Variants in PRKG2 observed in about 807,000 individuals in gnomAD.
PRKG2 encodes the protein protein kinase cGMP-dependent 2, also known as cGMP-dependent protein kinase 2.
A neutral mutation model predicts 97.2 loss-of-function variants in PRKG2; 33 were observed. The observed-to-expected ratio is 0.34, with a 90% CI of 0.26 to 0.45. The LOEUF (loss-of-function observed/expected upper bound fraction) is 0.45, where lower values mean the gene tolerates loss of function less well. Ranked by LOEUF, PRKG2 falls within the 20% of genes least tolerant of loss-of-function variation. The probability of loss-of-function intolerance (pLI) is 1.00; values close to 1 mark genes in which losing one functional copy is unlikely to be tolerated. For synonymous variants in PRKG2, 330 were observed against 321.8 expected (o/e 1.03, Z -0.27); for missense variants, 638 against 900.0 (o/e 0.71, Z 3.73).
chr4:81,111,507 A>C (rs1743981857), intron 14 of PRKG2, among the ~76,000 whole-genome samples: 3 of 151,780 alleles, frequency 2.0e-5, no homozygotes, highest in Admixed American at 2.0e-4. Flanking sequence ...TTCATAGGGC[A>C]AAAATCATAT....
Position 81,156,501 on chromosome 4 carries a change from G to A in PRKG2, c.913-2780C>T, listed in dbSNP as rs186714725. On this transcript the variant is annotated intron_variant, in intron 6 of 18. Coordinates refer to ENST00000264399, the MANE Select transcript of PRKG2 (RefSeq NM_006259.3). ...TAATGGGAGACTTTAACACCCCACC[G>A]TCAACATTAGACAGATCAACGAGAC... 3.4e-4 allele frequency among the ~76,000 whole-genome samples: 52 copies of A among 152,170 alleles called. No homozygotes were observed. The East Asian group carries it at 7.5e-3, about 22-fold the overall frequency.
At chr4:81,133,194 G>A (rs1290416099) in intron 14 of PRKG2, among the ~76,000 whole-genome samples, 2 of 152,112 alleles carry the variant, frequency 1.3e-5, no homozygotes, top group Admixed American at 1.3e-4. Context: ...AGACCAACCT[G>A]TGGCCAAGAA....
chr4:81,205,492 G>A (rs1753598156), intron 1 of PRKG2, among the ~76,000 whole-genome samples: 1 of 152,190 alleles, frequency 6.6e-6, no homozygotes, highest in Non-Finnish European at 1.5e-5. Flanking sequence ...AGCTCCCCAT[G>A]CGGCAACAGT....
chr4:81,216,945 T>C (rs540301285), upstream of PRKG2, among the ~76,000 whole-genome samples: 2 of 140,026 alleles, frequency 1.4e-5, no homozygotes, highest in African/African-American at 5.4e-5. Flanking sequence ...TACCCCTGAA[T>C]CAAAAAAAAA....
intron 6 of PRKG2, among the ~76,000 whole-genome samples, chr4:81,155,672 C>T (rs1231461141): frequency 6.6e-6 from 1 of 151,458 alleles, no homozygotes; most frequent in African/African-American, 2.4e-5. Flanking sequence ...TTAAGGGCAG[C>T]CAGAGAGAAA....
rs532341348 is a variant in PRKG2, at chr4:81,180,707, T to C, written c.462-5748A>G. On this transcript the variant is annotated intron_variant, in intron 2 of 18. Transcript: ENST00000264399. ...GATTTTAACACATCTCTCTAATTAA[T>C]AGAATAAGCCAACAAAAATTAGTAA... is the stretch of plus-strand genomic sequence containing the variant. 8.5e-5 allele frequency among the ~76,000 whole-genome samples: 13 copies of C among 152,316 alleles called. 1 individual carries two copies. The South Asian group carries it at 2.7e-3, about 32-fold the overall frequency.
At position 81,181,048 on chromosome 4, in the gene PRKG2, A is replaced by G. The variant is rs139516876; in HGVS notation, c.462-6089T>C. Among the ~76,000 whole-genome samples, 42 of 140,806 alleles carry G rather than the reference A, an allele frequency of 3.0e-4. No homozygotes were observed. In the East Asian group the frequency reaches 8.1e-3, roughly 27 times the overall value. The allele number at this position is 140,806 out of a possible 152,430, so 92.4% of individuals were successfully genotyped here. ...CCCTTCCTGTGTCCATGTGTTCTCA[A>G]TGTTCAAGTCCCACCTATGAGTGAG... On this transcript the variant is annotated intron_variant, in intron 2 of 18. Coordinates refer to ENST00000264399, the MANE Select transcript of PRKG2 (RefSeq NM_006259.3).
chr4:81,166,449 C>T (rs937843561), intron 6 of PRKG2, among the ~76,000 whole-genome samples: 9 of 152,016 alleles, frequency 5.9e-5, no homozygotes, highest in South Asian at 4.1e-4. Flanking sequence ...AGTTAAAGAA[C>T]GTATTTGCTT....
At chr4:81,104,850 C>T (rs990541663) in intron 16 of PRKG2, among the ~76,000 whole-genome samples, 1 of 151,912 alleles carries the variant, frequency 6.6e-6, no homozygotes, top group Non-Finnish European at 1.5e-5. Context: ...AATTGTAATG[C>T]TTTTTTAAAA....
chr4:81,123,623 C>T (rs1745279408), intron 14 of PRKG2, among the ~76,000 whole-genome samples: 2 of 152,176 alleles, frequency 1.3e-5, no homozygotes, highest in Non-Finnish European at 2.9e-5. Flanking sequence ...ACAGGATGGT[C>T]TCGATCTCCT....
chr4:81,152,820 C>T (rs1748549038), intron 7 of PRKG2, among the ~76,000 whole-genome samples: 1 of 152,040 alleles, frequency 6.6e-6, no homozygotes, highest in African/African-American at 2.4e-5. Flanking sequence ...GAAGTAGTTC[C>T]TAGTGTTGAA....
intron 17 of PRKG2, among the ~76,000 whole-genome samples, chr4:81,100,421 C>A (rs1043827105): frequency 2.0e-5 from 3 of 152,152 alleles, no homozygotes; most frequent in Admixed American, 6.5e-5. Flanking sequence ...ACATCTACAA[C>A]CATCTGATCT....
At chr4:81,166,287 A>G (rs1749975919) in intron 6 of PRKG2, among the ~76,000 whole-genome samples, 1 of 152,060 alleles carries the variant, frequency 6.6e-6, no homozygotes. Context: ...ATCTGTCAAC[A>G]ATCAGCCTTG....
intron 14 of PRKG2, among the ~76,000 whole-genome samples, chr4:81,113,596 C>T (rs1338761215): frequency 3.3e-5 from 5 of 152,086 alleles, no homozygotes; most frequent in Non-Finnish European, 5.9e-5. Context: ...TGCATTGTGG[C>T]TTGCTGGAGC....
In PRKG2 at chr4:81,140,643, A is replaced by T; in HGVS notation, c.1434T>A (p.Ala478=). The T allele has an allele frequency of 6.2e-7, 1 of 1,609,044 alleles. No individual in the cohort carries two copies. Among genetic ancestry groups the T allele is most frequent in the South Asian group, 1.1e-5 (1 of 90,564 alleles). ...ELVKVKNENV[A]FAMKCIRKKH... is the part of the protein sequence containing the mutation. ...TCTTCCTTATACACTTCATAGCAAA[A>T]GCAACATTCTCATTTTTTACTTTAA... Residue 478 remains alanine, a synonymous_variant, in exon 12 of 19, where the codon GCT becomes GCA. Transcript: ENST00000264399.
chr4:81,098,406 T>C (rs2109954340), intron 17 of PRKG2, among the ~76,000 whole-genome samples: 2 of 152,262 alleles, frequency 1.3e-5, no homozygotes, highest in East Asian at 1.9e-4. Flanking sequence ...TTCACTGGAG[T>C]AACACCTTTA....
intron 1 of PRKG2, among the ~76,000 whole-genome samples, chr4:81,208,404 C>T (rs1753793415): frequency 6.6e-6 from 1 of 152,114 alleles, no homozygotes. Flanking sequence ...AACTGGATGT[C>T]TTCCACAAGA....
intron 17 of PRKG2, among the ~76,000 whole-genome samples, chr4:81,101,190 A>G (rs1742719398): frequency 1.3e-5 from 2 of 151,952 alleles, no homozygotes; most frequent in Non-Finnish European, 2.9e-5. Context: ...TAGAAATACC[A>G]TTTGACCCAG....
In PRKG2 at chr4:81,120,065, A is replaced by G. The variant is rs546517195; in HGVS notation, c.1777-9454T>C. On this transcript the variant is annotated intron_variant, in intron 14 of 18. Coordinates refer to ENST00000264399, the MANE Select transcript of PRKG2 (RefSeq NM_006259.3). The stretch of plus-strand genomic sequence containing the variant: ...TTTGAGTCCTTGTGGATGAACTGCA[A>G]CCTAACCTAGTAGGTAGACAAGATT... 3.3e-5 allele frequency among the ~76,000 whole-genome samples: 5 copies of G among 152,306 alleles called. No individual in the cohort carries two copies. In the South Asian group the frequency reaches 1.0e-3, roughly 32 times the overall value.
Sources: gnomAD v4.1 joint callset for allele counts (sites outside exome capture counted in the v4.1 genomes callset) on GRCh38, gnomAD v4.1.1 for gene constraint, MANE v1.5 for transcripts, NCBI Gene and HGNC (gene_info 2026-07-23, HGNC 2026-07-21) for gene names.